The following SLC35D4 variants were observed in gnomAD, a reference collection of about 807,000 sequenced individuals.
SLC35D4 encodes the protein UDP-N-acetylglucosamine transporter SLC35D4.
At chr18:23,296,352 C>T in the SLC35D4 span, 13 of 152,256 alleles carry the variant, frequency 8.5e-5, no homozygotes, top group African/African-American at 2.9e-4. Context: ...GTTGCCCAGG[C>T]TGGAGTGCAG....
the SLC35D4 span, among the ~76,000 whole-genome samples, chr18:23,390,157 G>A: frequency 1.3e-4 from 20 of 151,982 alleles, no homozygotes; most frequent in Non-Finnish European, 2.6e-4. Context: ...CCCATTATAC[G>A]GTCAAGAAAA....
At chr18:23,261,087 A>G in the SLC35D4 span, among the ~76,000 whole-genome samples, 1 of 152,214 alleles carries the variant, frequency 6.6e-6, no homozygotes, top group Non-Finnish European at 1.5e-5. Flanking sequence ...TGGCAAAACC[A>G]CAAAGAAATG....
the SLC35D4 span, among the ~76,000 whole-genome samples, chr18:23,388,470 A>G: frequency 2.0e-5 from 3 of 152,224 alleles, no homozygotes; most frequent in Non-Finnish European, 4.4e-5. Flanking sequence ...TGGCAAAGCC[A>G]TGACCCCAAT....
the SLC35D4 span, among the ~76,000 whole-genome samples, chr18:23,283,471 C>CAAAAAAAA: frequency 6.3e-4 from 28 of 44,104 alleles, no homozygotes; most frequent in Non-Finnish European, 1.0e-3. Context: ...GACCCAGTCT[C>CAAAAAAAA]AAAAAAAAAA....
At chr18:23,326,455 A>C in the SLC35D4 span, among the ~76,000 whole-genome samples, 1 of 152,246 alleles carries the variant, frequency 6.6e-6, no homozygotes, top group African/African-American at 2.4e-5. Context: ...GAGACAAAGA[A>C]GTCCATTACA....
At chr18:23,246,678 A>AC in the SLC35D4 span, among the ~76,000 whole-genome samples, 1 of 151,300 alleles carries the variant, frequency 6.6e-6, no homozygotes, top group Non-Finnish European at 1.5e-5. Context: ...TGCTTGAGCC[A>AC]CCGCACCCGG....
At chr18:23,260,735 G>A in the SLC35D4 span, among the ~76,000 whole-genome samples, 1 of 152,170 alleles carries the variant, frequency 6.6e-6, no homozygotes, top group African/African-American at 2.4e-5. Context: ...GGCGCGCCCT[G>A]ACGTCACCTC....
the SLC35D4 span, among the ~76,000 whole-genome samples, chr18:23,281,178 A>G: frequency 6.6e-6 from 1 of 152,162 alleles, no homozygotes; most frequent in Non-Finnish European, 1.5e-5. Flanking sequence ...AGGTGAAGAA[A>G]ATGTTCTACA....
At chr18:23,373,585 T>G in the SLC35D4 span, 1 of 1,035,474 alleles carries the variant, frequency 9.7e-7, no homozygotes, top group Non-Finnish European at 1.4e-6. Flanking sequence ...CCTGCAAGAT[T>G]TGGAATGCTT....
At chr18:23,350,056 T>C in the SLC35D4 span, among the ~76,000 whole-genome samples, 1 of 152,238 alleles carries the variant, frequency 6.6e-6, no homozygotes, top group Non-Finnish European at 1.5e-5. Context: ...TTTGCTTCTC[T>C]GAATGTCTCT....
chr18:23,404,950 C>A, the SLC35D4 span, among the ~76,000 whole-genome samples: 1 of 137,268 alleles, frequency 7.3e-6, no homozygotes, highest in Non-Finnish European at 1.5e-5. Flanking sequence ...GGCACCACTG[C>A]TCTCCTCTCC....
At chr18:23,361,654 C>T in the SLC35D4 span, among the ~76,000 whole-genome samples, 1 of 152,174 alleles carries the variant, frequency 6.6e-6, no homozygotes, top group Admixed American at 6.5e-5. Flanking sequence ...ATGAATCCAA[C>T]AGGCTCCACA....
At chr18:23,394,133 A>C in the SLC35D4 span, among the ~76,000 whole-genome samples, 3 of 152,242 alleles carry the variant, frequency 2.0e-5, no homozygotes, top group East Asian at 5.8e-4. Flanking sequence ...GAAGCACCAT[A>C]CTGTTTTCCA....
At chr18:23,392,089 C>T in the SLC35D4 span, among the ~76,000 whole-genome samples, 7 of 151,980 alleles carry the variant, frequency 4.6e-5, no homozygotes, top group African/African-American at 1.7e-4. Context: ...AGGCACACGC[C>T]ACCATACCCG....
At chr18:23,377,611 A>C in the SLC35D4 span, 1 of 1,567,364 alleles carries the variant, frequency 6.4e-7, no homozygotes, top group African/African-American at 1.4e-5. Context: ...TAAATCTTAT[A>C]TTATGGCTTT....
chr18:23,241,085 T>C, the SLC35D4 span, among the ~76,000 whole-genome samples: 2 of 152,342 alleles, frequency 1.3e-5, no homozygotes, highest in Admixed American at 6.5e-5. Context: ...TTCTCACTTC[T>C]GTCACCATAG....
chr18:23,417,241 CA>C, the SLC35D4 span, among the ~76,000 whole-genome samples: 1,768 of 134,382 alleles, frequency 0.013, 9 homozygotes, highest in African/African-American at 0.024. Context: ...GACCTTGCCT[CA>C]AAAAAAAAAA....
the SLC35D4 span, among the ~76,000 whole-genome samples, chr18:23,427,686 TA>T: frequency 6.6e-6 from 1 of 152,346 alleles, no homozygotes; most frequent in South Asian, 2.1e-4. Context: ...CCCAAAGGAT[TA>T]TAAATCACGC....
At chr18:23,393,805 G>A in the SLC35D4 span, among the ~76,000 whole-genome samples, 3 of 151,922 alleles carry the variant, frequency 2.0e-5, no homozygotes, top group Non-Finnish European at 1.5e-5. Context: ...TTTTAGTAGA[G>A]GCAGGGTTTC....
Sources: allele counts gnomAD v4.1 joint callset (sites outside exome capture counted in the v4.1 genomes callset), GRCh38; gene constraint gnomAD v4.1.1; transcripts MANE v1.5; gene names NCBI Gene and HGNC (gene_info 2026-07-23, HGNC 2026-07-21).